The following ZNF845 variants were observed in gnomAD, a reference collection of about 807,000 sequenced individuals.
ZNF845 encodes the protein zinc finger protein 845.
Under a neutral mutation model 76.1 loss-of-function variants are expected in ZNF845, and 59 were observed. The observed-to-expected ratio is 0.78, with a 90% CI of 0.63 to 0.96. ZNF845 has a LOEUF of 0.96. Among genes scored for constraint, ZNF845 ranks in the 40% least tolerant of loss-of-function variants. The probability of loss-of-function intolerance (pLI) is 0.00; values close to 1 mark genes in which losing one functional copy is unlikely to be tolerated. For missense variants in ZNF845, 1,045 were observed against 1,172.8 expected (o/e 0.89, Z 1.59); for synonymous variants, 361 against 386.9 (o/e 0.93, Z 0.78).
In ZNF845 at chr19:53,353,868, G is replaced by A. The variant is rs1268389591; in HGVS notation, c.*280G>A. 1 of 1,197,216 alleles carries A rather than the reference G, an allele frequency of 8.4e-7. No individual in the cohort carries two copies. Among genetic ancestry groups the A allele is most frequent in the South Asian group, 1.5e-5 (1 of 65,538 alleles). The allele number at this position is 1,197,216 out of a possible 1,614,324, so 74.2% of individuals were successfully genotyped here. On this transcript the variant is annotated 3_prime_UTR_variant, in exon 4 of 4. Coordinates refer to ENST00000458035, the MANE Select transcript of ZNF845 (RefSeq NM_138374.3). ...TGTAATGATTATCACAAAGTCTTCA[G>A]TAACACTACAACCGTTTCAAATCAT...
At chr19:53,346,417 A>G (rs909514974) in intron 3 of ZNF845, 2 of 409,084 alleles carry the variant, frequency 4.9e-6, no homozygotes, top group South Asian at 1.7e-5. Context: ...CCAGTGGCTC[A>G]TGCCTGTAAT....
rs1228553272 is a variant in ZNF845, at chr19:53,356,853, CA to C, written c.*3266del. ...TTGAGGCAGGAGAATGGCGTGAACC[CA>C]GGGGGGCGGAACCTGCAGTGAGCCG... On this transcript the variant is annotated 3_prime_UTR_variant, in exon 4 of 4. Coordinates refer to ENST00000458035, the MANE Select transcript of ZNF845 (RefSeq NM_138374.3). 2.0e-5 allele frequency: 3 copies of C among 147,868 alleles called. No homozygotes were observed. The highest frequency in any genetic ancestry group is 4.2e-4 in the South Asian group (2 of 4,716). The allele number at this position is 147,868 out of a possible 1,614,324, so 9.2% of individuals were successfully genotyped here.
At chr19:53,343,089 G>A (rs970540900) in intron 2 of ZNF845, among the ~76,000 whole-genome samples, 2 of 152,100 alleles carry the variant, frequency 1.3e-5, no homozygotes, top group African/African-American at 4.8e-5. Flanking sequence ...AAAGTGCTGG[G>A]ATTGCAAGCG....
In ZNF845 at chr19:53,353,455, A is replaced by T; in HGVS notation, c.2780A>T (p.Asn927Ile). 6.2e-7 allele frequency: 1 copy of T among 1,613,888 alleles called. No homozygotes were observed. Among genetic ancestry groups the T allele is most frequent in the Non-Finnish European group, 8.5e-7 (1 of 1,179,902 alleles). Residue 927 changes from asparagine (N) to isoleucine (I), a missense_variant, in exon 4 of 4, where the codon AAT becomes ATT. Physicochemically the swap from Asn to Ile is moderately radical, Grantham distance 149. Transcript: ENST00000458035. ...CNECGKTFRH[N>I]SVLVIHKTIH... is the part of the protein sequence containing the mutation. ...GAGTGTGGCAAAACCTTCCGTCACA[A>T]TTCAGTCCTTGTAATTCATAAGACA... is the stretch of plus-strand genomic sequence containing the variant.
chr19:53,350,770 T>C (rs968210619), intron 3 of ZNF845, 48 bp from the exon 4 acceptor site: 1 of 1,573,298 alleles, frequency 6.4e-7, no homozygotes, highest in Admixed American at 1.9e-5. Context: ...TCAGTATTAT[T>C]TACCATCTAT....
chr19:53,350,219 T>TGCCTCTTGG (rs1301216254), intron 3 of ZNF845, among the ~76,000 whole-genome samples: 1 of 152,068 alleles, frequency 6.6e-6, no homozygotes, highest in Non-Finnish European at 1.5e-5. Context: ...CTGCAACCTC[T>TGCCTCTTGG]GCCTCTTGGG....
rs549031413 is a variant in ZNF845, at chr19:53,344,446, G to A, written c.16-1060G>A. ...CCAGCTCCTCAGGAGACTGAGGCAG[G>A]AGAATCACTTGATCCTGGGAGGTGG... On this transcript the variant is annotated intron_variant, in intron 2 of 3. Coordinates refer to ENST00000458035, the MANE Select transcript of ZNF845 (RefSeq NM_138374.3). Among the ~76,000 whole-genome samples, 9 of 152,108 alleles carry A rather than the reference G, an allele frequency of 5.9e-5. No homozygotes were observed. In the South Asian group the frequency reaches 1.9e-3, roughly 32 times the overall value.
At chr19:53,336,315 T>C (rs1047725768) in intron 1 of ZNF845, among the ~76,000 whole-genome samples, 3 of 151,588 alleles carry the variant, frequency 2.0e-5, no homozygotes, top group Non-Finnish European at 4.4e-5. Flanking sequence ...GAGATCATTC[T>C]GGCCAACATG....
intron 1 of ZNF845, among the ~76,000 whole-genome samples, chr19:53,337,567 A>T (rs1461044346): frequency 1.3e-5 from 2 of 151,772 alleles, no homozygotes; most frequent in African/African-American, 2.4e-5. Flanking sequence ...TTTAATTTTA[A>T]TTTAATTTAA....
Position 53,353,602 on chromosome 19 carries a change from G to A in ZNF845, c.*14G>A. 4.5e-6 allele frequency: 7 copies of A among 1,562,798 alleles called. No individual in the cohort carries two copies. The highest frequency in any genetic ancestry group is 6.1e-6 in the Non-Finnish European group (7 of 1,153,982). The stretch of plus-strand genomic sequence containing the variant: ...AAGAAACATTAGAAATATGAAGAAT[G>A]TGACAAAGTTTACAGTTGTAAATCA... On this transcript the variant is annotated 3_prime_UTR_variant, in exon 4 of 4. Transcript: ENST00000458035.
At chr19:53,347,438 G>A (rs2085304463) in intron 3 of ZNF845, among the ~76,000 whole-genome samples, 1 of 46,730 alleles carries the variant, frequency 2.1e-5, no homozygotes, top group South Asian at 8.2e-4. Context: ...CACCACACCT[G>A]GCTGTTTTTT....
chr19:53,344,712 C>T (rs1287196644), intron 2 of ZNF845, among the ~76,000 whole-genome samples: 1 of 151,384 alleles, frequency 6.6e-6, no homozygotes, highest in Non-Finnish European at 1.5e-5. Context: ...CTCACCACAA[C>T]CTCCGCCTCC....
chr19:53,353,591 A>G lies in ZNF845; in HGVS notation c.*3A>G, dbSNP rs1430516119. On this transcript the variant is annotated 3_prime_UTR_variant, in exon 4 of 4. Transcript: ENST00000458035. ...TTCATACTGGAAAGAAACATTAGAA[A>G]TATGAAGAATGTGACAAAGTTTACA... 3.8e-6 allele frequency: 6 copies of G among 1,573,384 alleles called. No homozygotes were observed. In the Admixed American group the frequency reaches 1.1e-4, roughly 29 times the overall value.
chr19:53,347,896 A>G (rs2085307780), intron 3 of ZNF845, among the ~76,000 whole-genome samples: 1 of 152,098 alleles, frequency 6.6e-6, no homozygotes, highest in Non-Finnish European at 1.5e-5. Context: ...TACTAAATAC[A>G]AAAAATTGGC....
intron 1 of ZNF845, among the ~76,000 whole-genome samples, chr19:53,334,735 C>A (rs2085201449): frequency 1.9e-5 from 2 of 106,546 alleles, no homozygotes; most frequent in African/African-American, 3.9e-5. Flanking sequence ...ACCCCCCCCC[C>A]CATCTCTGTC....
chr19:53,355,787 G>A lies in ZNF845; in HGVS notation c.*2199G>A, dbSNP rs970598447. 4.6e-5 allele frequency: 7 copies of A among 152,118 alleles called. No individual in the cohort carries two copies. The highest frequency in any genetic ancestry group is 1.2e-4 in the African/African-American group (5 of 41,422). 9.4% of individuals were successfully genotyped at this position (152,118 alleles called of 1,614,324 possible). The stretch of plus-strand genomic sequence containing the variant: ...TTATTTCAGCTGTGGTCATTTCATG[G>A]ATGATTTTTATATTTTTGAGGTAAA... On this transcript the variant is annotated 3_prime_UTR_variant, in exon 4 of 4. Transcript: ENST00000458035.
intron 1 of ZNF845, among the ~76,000 whole-genome samples, chr19:53,337,796 C>T (rs867302835): frequency 3.4e-4 from 52 of 152,134 alleles, no homozygotes; most frequent in Middle Eastern, 6.8e-3. Context: ...GAACTCCAGA[C>T]CTTAAGTAAT....
At chr19:53,345,694 T>C in intron 3 of ZNF845, 62 bp downstream of exon 3, 1 of 1,602,538 alleles carries the variant, frequency 6.2e-7, no homozygotes. Flanking sequence ...ATTTTCTCTT[T>C]TTTTTAGATA....
At position 53,352,852 on chromosome 19, in the gene ZNF845, A is replaced by G. The variant is rs754931127; in HGVS notation, c.2177A>G (p.Lys726Arg). The G allele has an allele frequency of 1.2e-5, 20 of 1,614,142 alleles. No homozygotes were observed. The highest frequency in any genetic ancestry group is 6.7e-5 in the East Asian group (3 of 44,858). ...EKPYKCNECG[K>R]AFSQKSSLTC... is the part of the protein sequence containing the mutation. Reference sequence around the variant, plus strand: ...CCTTACAAGTGTAATGAGTGTGGCAAGGCCTTCAGTCAGAAGTCATCCCTT... The same window carrying G: ...CCTTACAAGTGTAATGAGTGTGGCAGGGCCTTCAGTCAGAAGTCATCCCTT... Residue 726 changes from lysine (K) to arginine (R), a missense_variant, in exon 4 of 4, where the codon AAG becomes AGG. By Grantham distance (26) the Lys-to-Arg change is conservative. Transcript: ENST00000458035.
Sources: gnomAD v4.1 joint callset for allele counts (sites outside exome capture counted in the v4.1 genomes callset) on GRCh38, gnomAD v4.1.1 for gene constraint, MANE v1.5 for transcripts, NCBI Gene and HGNC (gene_info 2026-07-23, HGNC 2026-07-21) for gene names.